The following CLDN10 variants were observed in gnomAD, a reference collection of about 807,000 sequenced individuals.
The protein encoded by CLDN10 is claudin 10, also known as claudin-10.
A neutral mutation model predicts 22.9 loss-of-function variants in CLDN10; 15 were observed. The observed-to-expected ratio is 0.65, with a 90% confidence interval of 0.44 to 1.01. The LOEUF is 1.01. Among genes scored for constraint, CLDN10 ranks in the 50% least tolerant of loss-of-function variants. The pLI is 0.00. For synonymous variants in CLDN10, 114 were observed against 111.4 expected, an observed-to-expected ratio of 1.02 and a Z score of -0.15; for missense variants, 247 against 287.8, an observed-to-expected ratio of 0.86 and a Z score of 1.03.
chr13:95,546,166 G>A (rs973954563), intron 1 of CLDN10, among the ~76,000 whole-genome samples: 2 of 152,126 alleles, frequency 1.3e-5, no homozygotes, highest in African/African-American at 4.8e-5. Flanking sequence ...GTTAAATCAA[G>A]TTATTCAGAA....
At chr13:95,454,092 A>G (rs1317815149) in intron 1 of CLDN10, among the ~76,000 whole-genome samples, 1 of 151,966 alleles carries the variant, frequency 6.6e-6, no homozygotes, top group African/African-American at 2.4e-5. Context: ...CCAAGTCAGG[A>G]TAATTTGAGT....
At chr13:95,572,141 C>T (rs918433269) in intron 3 of CLDN10, among the ~76,000 whole-genome samples, 4 of 152,020 alleles carry the variant, frequency 2.6e-5, no homozygotes, top group Middle Eastern at 3.4e-3. Flanking sequence ...CTTTTTGTGC[C>T]GGAAGAAAAG....
chr13:95,477,191 G>A (rs1302206422), intron 1 of CLDN10, among the ~76,000 whole-genome samples: 3 of 152,198 alleles, frequency 2.0e-5, no homozygotes, highest in African/African-American at 7.2e-5. Flanking sequence ...GCAGCACGAG[G>A]GCTGGTCAAG....
chr13:95,498,398 T>C (rs2042949773), intron 1 of CLDN10, among the ~76,000 whole-genome samples: 1 of 152,172 alleles, frequency 6.6e-6, no homozygotes, highest in Admixed American at 6.5e-5. Flanking sequence ...TACTCTTTTT[T>C]CTTTTTTCTT....
chr13:95,442,845 C>T (rs1001763450), intron 1 of CLDN10, among the ~76,000 whole-genome samples: 3 of 152,120 alleles, frequency 2.0e-5, no homozygotes, highest in African/African-American at 4.8e-5. Context: ...GGTAATAATA[C>T]GAATCAACTC....
chr13:95,453,707 G>A (rs2042455220), intron 1 of CLDN10, among the ~76,000 whole-genome samples: 1 of 147,414 alleles, frequency 6.8e-6, no homozygotes, highest in South Asian at 2.1e-4. Context: ...AAAAAAAAAA[G>A]AGCAAGCACA....
At chr13:95,541,639 T>G (rs2043461667) in intron 1 of CLDN10, among the ~76,000 whole-genome samples, 1 of 152,192 alleles carries the variant, frequency 6.6e-6, no homozygotes, top group South Asian at 2.1e-4. Context: ...GAGACTTGTT[T>G]TGACACACTC....
chr13:95,433,794 C>CATGCAT (rs1175693463), exon 1 of CLDN10: 1 of 1,604,654 alleles, frequency 6.2e-7, no homozygotes, highest in East Asian at 2.2e-5. Flanking sequence ...ACCACCAAAG[C>CATGCAT]GTTCTGACCG....
chr13:95,526,831 G>A lies in CLDN10; in HGVS notation c.215-33301G>A, dbSNP rs183917474. 4.0e-3 allele frequency among the ~76,000 whole-genome samples: 540 copies of A among 135,300 alleles called. 3 individuals carry two copies. The highest frequency in any genetic ancestry group is 0.036 in the South Asian group (148 of 4,080). 88.8% of individuals were successfully genotyped at this position (135,300 alleles called of 152,430 possible). The stretch of plus-strand genomic sequence containing the variant: ...ATAAATAAATAAATAAACATGGCGA[G>A]AAGGAAAGGAGAGCTGTCTTAGCAT... On this transcript the variant is annotated intron_variant, in intron 1 of 4. Transcript: ENST00000376873.
upstream of CLDN10, among the ~76,000 whole-genome samples, chr13:95,548,486 A>C (rs1450553067): frequency 6.6e-6 from 1 of 152,224 alleles, no homozygotes; most frequent in Non-Finnish European, 1.5e-5. Context: ...ATTTGCAAAA[A>C]AAATTATAGA....
At chr13:95,459,232 C>T (rs949499259) in intron 1 of CLDN10, among the ~76,000 whole-genome samples, 1 of 152,112 alleles carries the variant, frequency 6.6e-6, no homozygotes, top group Non-Finnish European at 1.5e-5. Flanking sequence ...TGGTGTAAGC[C>T]GTCAGTAGAT....
At chr13:95,556,104 G>A (rs557280024) in intron 1 of CLDN10, among the ~76,000 whole-genome samples, 104 of 151,832 alleles carry the variant, frequency 6.8e-4, no homozygotes, top group African/African-American at 2.4e-3. Context: ...AGAGTGCCAT[G>A]GCATGATCTC....
chr13:95,448,692 A>G (rs1395671159), intron 1 of CLDN10, among the ~76,000 whole-genome samples: 1 of 145,956 alleles, frequency 6.9e-6, no homozygotes, highest in East Asian at 1.9e-4. Flanking sequence ...GTTCCATCAC[A>G]TCATCATCTT....
intron 1 of CLDN10, among the ~76,000 whole-genome samples, chr13:95,439,274 C>T (rs1410803302): frequency 5.9e-5 from 9 of 151,990 alleles, no homozygotes; most frequent in East Asian, 1.9e-4. Flanking sequence ...GGCCCATAGA[C>T]GGCACCTTCT....
At chr13:95,511,706 C>CAA (rs2043100769) in intron 1 of CLDN10, among the ~76,000 whole-genome samples, 1 of 139,924 alleles carries the variant, frequency 7.1e-6, no homozygotes, top group Admixed American at 7.3e-5. Flanking sequence ...TGTGTTTGAC[C>CAA]AACAAGGCTA....
intron 1 of CLDN10, among the ~76,000 whole-genome samples, chr13:95,527,998 G>C (rs2043303021): frequency 6.6e-6 from 1 of 152,170 alleles, no homozygotes; most frequent in South Asian, 2.1e-4. Context: ...TCTGTGCTGT[G>C]ATCTGACAGC....
At chr13:95,442,923 A>C (rs911125739) in intron 1 of CLDN10, among the ~76,000 whole-genome samples, 3 of 152,238 alleles carry the variant, frequency 2.0e-5, no homozygotes, top group Non-Finnish European at 4.4e-5. Context: ...CAGCTGTCAC[A>C]ATCATAAGTT....
chr13:95,503,487 G>A (rs1486061802), intron 1 of CLDN10, among the ~76,000 whole-genome samples: 1 of 152,054 alleles, frequency 6.6e-6, no homozygotes, highest in African/African-American at 2.4e-5. Flanking sequence ...TTCCGCTTCT[G>A]GTTAAATACT....
chr13:95,514,703 T>C (rs1258392821), intron 1 of CLDN10, among the ~76,000 whole-genome samples: 9 of 151,968 alleles, frequency 5.9e-5, no homozygotes, highest in Non-Finnish European at 1.0e-4. Context: ...TGGGGCTTTG[T>C]GGGTCAAGGT....
Sources: gnomAD v4.1 joint callset for allele counts (sites outside exome capture counted in the v4.1 genomes callset) on GRCh38, gnomAD v4.1.1 for gene constraint, MANE v1.5 for transcripts, NCBI Gene and HGNC (gene_info 2026-07-23, HGNC 2026-07-21) for gene names.